The following OSBPL11 variants were observed in gnomAD, a reference collection of about 807,000 sequenced individuals.
OSBPL11 encodes oxysterol binding protein like 11, also known as oxysterol-binding protein-related protein 11.
A neutral mutation model predicts 84.4 loss-of-function variants in OSBPL11; 33 were observed. The ratio of observed to expected loss-of-function variants is 0.39; its 90% CI spans 0.30 to 0.52. The LOEUF (loss-of-function observed/expected upper bound fraction) is 0.52, where lower values mean the gene tolerates loss of function less well. Among genes scored for constraint, OSBPL11 ranks in the 20% least tolerant of loss-of-function variants. The pLI is 0.72. For missense variants in OSBPL11, 736 were observed against 901.1 expected (o/e 0.82, Z 2.35); for synonymous variants, 276 against 310.2 (o/e 0.89, Z 1.16).
rs761338505 is a variant in OSBPL11 at position 125,552,257 on chromosome 3, C to T, written c.1578G>A (p.Lys526=). ...SGFYAECTER[K]MCVNAHVWTK... is the part of the protein sequence containing the mutation. ...TCCAGACATGCGCATTTACACACAT[C>T]TTCCTCTCTGTACATTCTGCATAAA... Residue 526 remains lysine, a synonymous_variant, in exon 9 of 13, where the codon AAG becomes AAA. Coordinates refer to ENST00000296220, the MANE Select transcript of OSBPL11 (RefSeq NM_022776.5). The T allele has an allele frequency of 3.7e-6, 6 of 1,614,030 alleles. No individual in the cohort carries two copies. In the South Asian group the frequency reaches 4.4e-5, roughly 12 times the overall value.
chr3:125,568,045 G>C (rs1317108624), intron 5 of OSBPL11, among the ~76,000 whole-genome samples: 2 of 146,330 alleles, frequency 1.4e-5, no homozygotes, highest in Admixed American at 6.9e-5. Context: ...TTAAAAGTTC[G>C]TTTGGCTATC....
chr3:125,557,798 T>C (rs1309702375), intron 8 of OSBPL11, among the ~76,000 whole-genome samples: 3 of 141,258 alleles, frequency 2.1e-5, no homozygotes, highest in African/African-American at 5.3e-5. Flanking sequence ...TTTCTTTTTT[T>C]TTTTTTTTTT....
At chr3:125,588,273 T>C (rs1936546078) in intron 1 of OSBPL11, among the ~76,000 whole-genome samples, 1 of 141,914 alleles carries the variant, frequency 7.0e-6, no homozygotes, top group African/African-American at 2.6e-5. Flanking sequence ...TAAAGTAAGA[T>C]ATGACAAAGA....
intron 3 of OSBPL11, among the ~76,000 whole-genome samples, chr3:125,579,616 C>G (rs766061409): frequency 2.0e-5 from 3 of 152,156 alleles, no homozygotes; most frequent in Non-Finnish European, 4.4e-5. Flanking sequence ...TTTCAGTAAT[C>G]AGAGTTTCAC....
chr3:125,535,568 C>T (rs1051230822), intron 11 of OSBPL11, among the ~76,000 whole-genome samples: 2 of 151,186 alleles, frequency 1.3e-5, no homozygotes, highest in Non-Finnish European at 1.5e-5. Flanking sequence ...CTCAGCCTCC[C>T]GAGTAGCTGA....
intron 12 of OSBPL11, among the ~76,000 whole-genome samples, chr3:125,531,306 T>C (rs991342433): frequency 2.1e-5 from 3 of 141,172 alleles, no homozygotes; most frequent in Non-Finnish European, 3.1e-5. Context: ...TTTTTTTTTT[T>C]TGGAGACAGA....
intron 1 of OSBPL11, among the ~76,000 whole-genome samples, chr3:125,584,749 A>T (rs1936481884): frequency 6.6e-6 from 1 of 152,190 alleles, no homozygotes; most frequent in South Asian, 2.1e-4. Flanking sequence ...ACCTGAGAAA[A>T]ACAAAATTTT....
At chr3:125,546,825 T>C (rs1231492371) in intron 10 of OSBPL11, among the ~76,000 whole-genome samples, 2 of 151,676 alleles carry the variant, frequency 1.3e-5, no homozygotes, top group Non-Finnish European at 2.9e-5. Context: ...AGGAGGCGGC[T>C]GCAAGGAGCC....
At position 125,537,422 on chromosome 3, in the gene OSBPL11, A is replaced by C. The variant is rs564758775; in HGVS notation, c.2024+1029T>G. Reference sequence around the variant, plus strand: ...ATAAATAATATCTCTGTATTGTTATAAACAAATTGTGAACTTGCAGATGCC... The same window carrying C: ...ATAAATAATATCTCTGTATTGTTATCAACAAATTGTGAACTTGCAGATGCC... On this transcript the variant is annotated intron_variant, in intron 11 of 12. Coordinates refer to ENST00000296220, the MANE Select transcript of OSBPL11 (RefSeq NM_022776.5). Among the ~76,000 whole-genome samples the C allele has an allele frequency of 5.3e-5, 8 of 152,278 alleles. No homozygotes were observed. The East Asian group carries it at 1.5e-3, about 29-fold the overall frequency.
rs532313161 is a variant in OSBPL11 at position 125,571,163 on chromosome 3, G to A, written c.667-3568C>T. Among the ~76,000 whole-genome samples the A allele has an allele frequency of 2.0e-5, 3 of 152,324 alleles. No homozygotes were observed. The East Asian group carries it at 5.8e-4, about 29-fold the overall frequency. On this transcript the variant is annotated intron_variant, in intron 5 of 12. Coordinates refer to ENST00000296220, the MANE Select transcript of OSBPL11 (RefSeq NM_022776.5). ...GACTCTTGTTAGGTTTTAGCAAAAA[G>A]ACTGGTGGCATTTTGCCCCTGCCCT... is the stretch of plus-strand genomic sequence containing the variant.
chr3:125,531,378 G>A (rs1211769838), intron 12 of OSBPL11, among the ~76,000 whole-genome samples: 1 of 148,516 alleles, frequency 6.7e-6, no homozygotes, highest in African/African-American at 2.5e-5. Context: ...TGCAACCTCC[G>A]CCTCCTGGGT....
At chr3:125,589,025 T>C (rs557982963) in intron 1 of OSBPL11, among the ~76,000 whole-genome samples, 30 of 152,266 alleles carry the variant, frequency 2.0e-4, no homozygotes, top group African/African-American at 6.3e-4. Flanking sequence ...AATTTCACTT[T>C]TAGGTATCCC....
At chr3:125,561,018 T>G (rs981612742) in intron 7 of OSBPL11, among the ~76,000 whole-genome samples, 4 of 151,780 alleles carry the variant, frequency 2.6e-5, no homozygotes, top group Non-Finnish European at 5.9e-5. Flanking sequence ...CTTTTTTCTT[T>G]TTGAAACAGG....
chr3:125,591,729 T>G (rs903152354), intron 1 of OSBPL11, among the ~76,000 whole-genome samples: 1 of 152,192 alleles, frequency 6.6e-6, no homozygotes, highest in Non-Finnish European at 1.5e-5. Context: ...TGGGGGTAAT[T>G]TGTAATGCAG....
Position 125,552,226 on chromosome 3 carries a change from T to C in OSBPL11, c.1609A>G (p.Ser537Gly). 1 of 1,613,554 alleles carries C rather than the reference T, an allele frequency of 6.2e-7. No individual in the cohort carries two copies. The highest frequency in any genetic ancestry group is 8.5e-7 in the Non-Finnish European group (1 of 1,179,856). Reference sequence around the variant, plus strand: ...CCTATTGACATGCCTAAGAACTTGCTCTTAGTCCAGACATGCGCATTTACA... The same window carrying C: ...CCTATTGACATGCCTAAGAACTTGCCCTTAGTCCAGACATGCGCATTTACA... ...MCVNAHVWTK[S>G]KFLGMSIGVT... Residue 537 changes from serine (S) to glycine (G), a missense_variant, in exon 9 of 13, where the codon AGC (serine) becomes GGC (glycine). Transcript: ENST00000296220.
rs963549798 is a variant in OSBPL11 at position 125,581,125 on chromosome 3, C to T, written c.234-1085G>A. Among the ~76,000 whole-genome samples the T allele has an allele frequency of 2.0e-5, 3 of 150,468 alleles. No individual in the cohort carries two copies. In the East Asian group the frequency reaches 5.9e-4, roughly 29 times the overall value. ...TTTTTTTTTTTGAGATGGAGTCGTG[C>T]TCTGTTGCCCAGGCTGGAGTGCAGT... On this transcript the variant is annotated intron_variant, in intron 2 of 12. Coordinates refer to ENST00000296220, the MANE Select transcript of OSBPL11 (RefSeq NM_022776.5).
chr3:125,558,812 A>G (rs1936031268), intron 8 of OSBPL11, among the ~76,000 whole-genome samples: 1 of 152,246 alleles, frequency 6.6e-6, no homozygotes, highest in Non-Finnish European at 1.5e-5. Context: ...AGTGCTTCTC[A>G]AACTTTAATG....
At chr3:125,562,637 T>G (rs537452931) in intron 7 of OSBPL11, among the ~76,000 whole-genome samples, 1 of 151,944 alleles carries the variant, frequency 6.6e-6, no homozygotes, top group Admixed American at 6.6e-5. Context: ...AGAAAAAAAA[T>G]AGGAGAAGGC....
At chr3:125,577,582 C>T (rs989795307) in intron 4 of OSBPL11, among the ~76,000 whole-genome samples, 3 of 151,990 alleles carry the variant, frequency 2.0e-5, no homozygotes, top group African/African-American at 7.3e-5. Flanking sequence ...AATCCCAGCA[C>T]TTTGGGAGAC....
Sources: gnomAD v4.1 joint callset for allele counts (sites outside exome capture counted in the v4.1 genomes callset) on GRCh38, gnomAD v4.1.1 for gene constraint, MANE v1.5 for transcripts, NCBI Gene and HGNC (gene_info 2026-07-23, HGNC 2026-07-21) for gene names.